The following EFCC1 variants were observed in gnomAD, a reference collection of about 807,000 sequenced individuals.
EFCC1 encodes EF-hand and coiled-coil domain-containing protein 1.
EFCC1 carries 50 observed loss-of-function variants against 52.1 expected under a neutral mutation model. That is an observed-to-expected ratio of 0.96 (90% CI 0.76 to 1.21). The LOEUF is 1.21. EFCC1 is among the 50% of genes most tolerant of loss of function. EFCC1 has a pLI of 0.00. For missense variants in EFCC1, 837 were observed against 867.3 expected, an observed-to-expected ratio of 0.97 and a Z score of 0.44; for synonymous variants, 399 against 396.5, an observed-to-expected ratio of 1.01 and a Z score of -0.08.
At chr3:129,013,943 G>A (rs1174197542) in intron 2 of EFCC1, among the ~76,000 whole-genome samples, 4 of 152,328 alleles carry the variant, frequency 2.6e-5, no homozygotes, top group African/African-American at 4.8e-5. Flanking sequence ...GGGCAGGAGC[G>A]ACTGTCAGAA....
rs573190842 is a variant in EFCC1 at position 129,034,004 on chromosome 3, G to C, written c.1287-160G>C. On this transcript the variant is annotated intron_variant, in intron 4 of 7. Transcript: ENST00000683648. ...AGGTGAAGCCTTTGCCTTTTCCTCA[G>C]AGTGAGATGGGGGCCATGGGAGGGT... Among the ~76,000 whole-genome samples the C allele has an allele frequency of 2.6e-5, 4 of 152,220 alleles. No homozygotes were observed. The highest frequency in any genetic ancestry group is 4.8e-5 in the African/African-American group (2 of 41,448).
chr3:129,035,438 G>A (rs1946342809), intron 5 of EFCC1, among the ~76,000 whole-genome samples: 1 of 152,230 alleles, frequency 6.6e-6, no homozygotes, highest in Non-Finnish European at 1.5e-5. Context: ...CAGGGGTTGA[G>A]TCACTGGGGG....
intron 2 of EFCC1, among the ~76,000 whole-genome samples, chr3:129,029,170 C>G (rs547601220): frequency 6.6e-6 from 1 of 152,128 alleles, no homozygotes; most frequent in Non-Finnish European, 1.5e-5. Flanking sequence ...TGGGTTCTAT[C>G]GGGTTGTTAC....
At position 129,039,782 on chromosome 3, in the gene EFCC1, G is replaced by A. The variant is rs1946401423; in HGVS notation, c.1734G>A (p.Arg578=). 1.9e-6 allele frequency: 3 copies of A among 1,612,400 alleles called. No homozygotes were observed. Among genetic ancestry groups the A allele is most frequent in the Non-Finnish European group, 2.5e-6 (3 of 1,179,044 alleles). The change falls in exon 8 of 8, where the codon CGG becomes CGA. Residue 578 remains arginine (R), a synonymous_variant. Coordinates refer to ENST00000683648, the MANE Select transcript of EFCC1 (RefSeq NM_001377500.1). The part of the protein sequence containing the change: ...HQALAACQLL[R]RQPSAPASAA... ...CCTTGGCTGCCTGCCAGCTGTTGCGGAGACAGCCCTCGGCACCAGCCTCTG... is the reference window on the plus strand; with the variant it reads ...CCTTGGCTGCCTGCCAGCTGTTGCGAAGACAGCCCTCGGCACCAGCCTCTG...
At chr3:129,020,831 G>C (rs912254317) in intron 2 of EFCC1, among the ~76,000 whole-genome samples, 6 of 152,124 alleles carry the variant, frequency 3.9e-5, no homozygotes, top group Non-Finnish European at 5.9e-5. Flanking sequence ...ACTTGCAGAC[G>C]GGAACCCTGG....
chr3:129,024,125 G>C (rs1945991603), intron 2 of EFCC1, among the ~76,000 whole-genome samples: 1 of 152,232 alleles, frequency 6.6e-6, no homozygotes. Flanking sequence ...TCTGGTGAGA[G>C]AGAAACACCA....
chr3:129,004,150 A>G (rs1445686060), intron 2 of EFCC1, 73 bp downstream of exon 2: 7 of 1,371,952 alleles, frequency 5.1e-6, no homozygotes, highest in Admixed American at 3.3e-5. Flanking sequence ...CGGGTGTGCA[A>G]TCCCCCTCCC....
Position 129,040,062 on chromosome 3 carries a change from G to T in EFCC1, c.*214G>T, listed in dbSNP as rs544566147. 1.9e-6 allele frequency: 1 copy of T among 517,624 alleles called. No individual in the cohort carries two copies. Among genetic ancestry groups the T allele is most frequent in the East Asian group, 3.4e-5 (1 of 29,596 alleles). 32.1% of individuals were successfully genotyped at this position (517,624 alleles called of 1,614,324 possible). ...TCCTCGGGCTCCTCCACATTACCTC[G>T]CAGCCCCTGCATTCCTGCCACCAGA... On this transcript the variant is annotated 3_prime_UTR_variant, in exon 8 of 8. Transcript: ENST00000683648. This position sits in a 1 kb window ranked among gnomAD's most constrained non-coding sequence, Gnocchi z 4.4.
At chr3:129,029,705 C>A (rs1378701787) in intron 2 of EFCC1, among the ~76,000 whole-genome samples, 1 of 151,628 alleles carries the variant, frequency 6.6e-6, no homozygotes. Context: ...CTGCCTCAGC[C>A]TCCCAAGTAG....
intron 3 of EFCC1, 107 bp from the exon 4 acceptor site, chr3:129,032,712 A>C (rs1946295562): frequency 2.1e-6 from 3 of 1,437,574 alleles, no homozygotes; most frequent in East Asian, 5.1e-5. Context: ...AAGAGGGGAC[A>C]TGGCACAAGA....
rs554842301 is a variant in EFCC1, at chr3:129,035,700, G to A, written c.1453-1277G>A. Among the ~76,000 whole-genome samples, 5 of 152,288 alleles carry A rather than the reference G, an allele frequency of 3.3e-5. No homozygotes were observed. The East Asian group carries it at 5.8e-4, about 18-fold the overall frequency. On this transcript the variant is annotated intron_variant, in intron 5 of 7. Coordinates refer to ENST00000683648, the MANE Select transcript of EFCC1 (RefSeq NM_001377500.1). Reference sequence around the variant, plus strand: ...CTCCAGCTTCTGGAACCCTTGCACCGGGATAGGGCCACCCCTCACTTACTC... The same window carrying A: ...CTCCAGCTTCTGGAACCCTTGCACCAGGATAGGGCCACCCCTCACTTACTC...
chr3:129,035,242 G>T (rs1946340487), intron 5 of EFCC1, among the ~76,000 whole-genome samples: 1 of 152,186 alleles, frequency 6.6e-6, no homozygotes, highest in Non-Finnish European at 1.5e-5. Flanking sequence ...GATACCAGCT[G>T]ACTTGTACAA....
rs550111966 is a variant in EFCC1, at chr3:129,027,139, AACGCCTGCAG to A, written c.981-3549_981-3540del. Among the ~76,000 whole-genome samples, 779 of 151,900 alleles carry A rather than the reference AACGCCTGCAG, an allele frequency of 5.1e-3. 5 individuals are homozygous for A. Among genetic ancestry groups the A allele is most frequent in the African/African-American group, 0.015 (627 of 41,200 alleles). ...CTCAGGCAGTCAGCGAAACGCCGGA[AACGCCTGCAG>A]ACGCCTGCAGACGCTCCTTGTGTTT... On this transcript the variant is annotated intron_variant, in intron 2 of 7. Transcript: ENST00000683648.
chr3:129,021,465 T>A (rs1480486798), intron 2 of EFCC1, among the ~76,000 whole-genome samples: 1 of 152,132 alleles, frequency 6.6e-6, no homozygotes, highest in Non-Finnish European at 1.5e-5. Context: ...TCCCAGCTAC[T>A]GGGGAGGCTC....
intron 5 of EFCC1, among the ~76,000 whole-genome samples, chr3:129,036,491 C>A (rs1946355189): frequency 6.6e-6 from 1 of 152,236 alleles, no homozygotes; most frequent in Non-Finnish European, 1.5e-5. Context: ...CAAGAGTGGG[C>A]CCAAGACTCC....
chr3:129,036,101 T>TA (rs1328793942), intron 5 of EFCC1, among the ~76,000 whole-genome samples: 1 of 152,232 alleles, frequency 6.6e-6, no homozygotes. Flanking sequence ...GCCCTGTGGC[T>TA]GGGGAGGGTG....
rs985545990 is a variant in EFCC1 at position 129,014,298 on chromosome 3, G to A, written c.980+10221G>A. On this transcript the variant is annotated intron_variant, in intron 2 of 7. Coordinates refer to ENST00000683648, the MANE Select transcript of EFCC1 (RefSeq NM_001377500.1). The surrounding 1 kb of genome is among the most constrained non-coding windows in gnomAD (Gnocchi z 4.3). ...AGGGTCAGGGAGTGTGAGTCAGCTCGGGCTGCTGTGACAAGCCCCACAGAC... is the reference window on the plus strand; with the variant it reads ...AGGGTCAGGGAGTGTGAGTCAGCTCAGGCTGCTGTGACAAGCCCCACAGAC... Among the ~76,000 whole-genome samples the A allele has an allele frequency of 2.0e-5, 3 of 152,182 alleles. No homozygotes were observed. The highest frequency in any genetic ancestry group is 1.9e-4 in the East Asian group (1 of 5,186).
At position 129,001,992 on chromosome 3, in the gene EFCC1, G is replaced by A. The variant is rs1231486948; in HGVS notation, c.364G>A (p.Asp122Asn). ...GGCCGCTGAGTTGGCCACGGACGGG[G>A]ACTCAGATACCGATGAAGAGGCGCG... ...DAAAELATDG[D>N]SDTDEEARLA... Residue 122 changes from aspartate (D) to asparagine (N), a missense_variant, in exon 1 of 8, where the codon GAC (aspartate) becomes AAC (asparagine). Physicochemically the swap from Asp to Asn is conservative, Grantham distance 23. Coordinates refer to ENST00000683648, the MANE Select transcript of EFCC1 (RefSeq NM_001377500.1). 1.3e-6 allele frequency: 2 copies of A among 1,545,856 alleles called. No individual in the cohort carries two copies. Among genetic ancestry groups the A allele is most frequent in the Non-Finnish European group, 1.7e-6 (2 of 1,145,194 alleles).
intron 2 of EFCC1, among the ~76,000 whole-genome samples, chr3:129,025,790 G>A (rs1174981304): frequency 3.3e-5 from 5 of 152,208 alleles, no homozygotes; most frequent in Non-Finnish European, 7.3e-5. Flanking sequence ...TTTCTCTGTA[G>A]CCACATTTTA....
Sources: allele counts gnomAD v4.1 joint callset (sites outside exome capture counted in the v4.1 genomes callset), GRCh38; gene constraint gnomAD v4.1.1; non-coding constraint Gnocchi (gnomAD v3.1); transcripts MANE v1.5; gene names NCBI Gene and HGNC (gene_info 2026-07-23, HGNC 2026-07-21).